Variants in RELN observed in about 807,000 individuals in gnomAD.
RELN encodes reelin.
In RELN, 108 loss-of-function variants were observed where a neutral mutation model predicts 427.6. The ratio of observed to expected loss-of-function variants is 0.25; its 90% confidence interval spans 0.22 to 0.30. RELN has a LOEUF of 0.30. RELN is among the 10% of genes least tolerant of loss of function. RELN has a pLI of 1.00. For missense variants in RELN, 3,715 were observed against 4,302.8 expected (o/e 0.86, Z 3.82); for synonymous variants, 1,524 against 1,513.4 (o/e 1.01, Z -0.16).
At chr7:103,525,361 T>C (rs556299757) in intron 46 of RELN, among the ~76,000 whole-genome samples, 19 of 152,324 alleles carry the variant, frequency 1.2e-4, no homozygotes, top group African/African-American at 4.1e-4. Flanking sequence ...CTTCCTTGAA[T>C]GGTAAGTTAT....
chr7:103,574,236 C>T lies in RELN; in HGVS notation c.4367G>A (p.Gly1456Glu), dbSNP rs750604271. The change falls in exon 30 of 65, where the codon GGG becomes GAG. Residue 1456 changes from glycine to glutamate, a missense_variant. By Grantham distance (98) the Gly-to-Glu change is moderately conservative. Coordinates refer to ENST00000428762, the MANE Select transcript of RELN (RefSeq NM_005045.4). Reference protein sequence around the residue: ...NHNEMFDRFEGKLSPLWYKIT... With the variant: ...NHNEMFDRFEEKLSPLWYKIT... ...CTTGTACCACAGAGGGCTGAGCTTC[C>T]CCTCAAACCTATCGAACATCTCATT... 2 of 1,614,142 alleles carry T rather than the reference C, an allele frequency of 1.2e-6. No individual in the cohort carries two copies. The highest frequency in any genetic ancestry group is 3.3e-5 in the Admixed American group (2 of 60,026).
At chr7:103,551,335 A>G (rs772678532) in intron 40 of RELN, 39 bp from the exon 41 acceptor site, 12 of 1,420,182 alleles carry the variant, frequency 8.4e-6, no homozygotes, top group Admixed American at 1.8e-5. Context: ...ATTACCTCAG[A>G]GCAACAAGCC....
chr7:103,954,111 T>A (rs1361027830), intron 1 of RELN, among the ~76,000 whole-genome samples: 1 of 151,230 alleles, frequency 6.6e-6, no homozygotes, highest in South Asian at 2.1e-4. Context: ...AAAAAAAAAA[T>A]TGGCCAGCCA....
At chr7:103,741,421 G>T (rs960677890) in intron 6 of RELN, among the ~76,000 whole-genome samples, 1 of 151,798 alleles carries the variant, frequency 6.6e-6, no homozygotes, top group Non-Finnish European at 1.5e-5. Flanking sequence ...TTATGAAAAT[G>T]CAATGAAGGA....
intron 3 of RELN, among the ~76,000 whole-genome samples, chr7:103,806,574 C>T (rs1471747470): frequency 1.3e-5 from 2 of 152,090 alleles, no homozygotes; most frequent in East Asian, 1.9e-4. Flanking sequence ...ATCCACCCAC[C>T]TCAGCTTCCC....
intron 11 of RELN, among the ~76,000 whole-genome samples, chr7:103,662,749 T>G (rs1833172624): frequency 6.6e-6 from 1 of 150,978 alleles, no homozygotes; most frequent in African/African-American, 2.4e-5. Flanking sequence ...GTGGAACAAA[T>G]CCATGGAGAG....
intron 40 of RELN, among the ~76,000 whole-genome samples, chr7:103,551,938 GGTGTGTGTGTGTGT>G (rs34506983): frequency 2.1e-5 from 3 of 144,746 alleles, no homozygotes. Flanking sequence ...TGTGTGTGTG[GGTGTGTGTGTGTGT>G]GTGTGTGGTA....
chr7:103,773,168 T>TTTC (rs1563004438), intron 4 of RELN, among the ~76,000 whole-genome samples: 21 of 99,030 alleles, frequency 2.1e-4, no homozygotes, highest in East Asian at 1.5e-3. Flanking sequence ...TTCTTTCTTT[T>TTTC]TCTTTCTTTC....
intron 3 of RELN, among the ~76,000 whole-genome samples, chr7:103,788,963 C>G (rs972628371): frequency 6.6e-6 from 1 of 151,952 alleles, no homozygotes; most frequent in Non-Finnish European, 1.5e-5. Flanking sequence ...TAACCAAAAC[C>G]GCATGGTACT....
intron 6 of RELN, 95 bp from the exon 7 acceptor site, chr7:103,728,302 C>A: frequency 8.6e-7 from 1 of 1,159,420 alleles, no homozygotes; most frequent in South Asian, 1.3e-5. Flanking sequence ...TATTGTTACT[C>A]AGCTCAAATC....
At chr7:103,650,226 A>G in intron 16 of RELN, 48 bp downstream of exon 16, 1 of 1,116,168 alleles carries the variant, frequency 9.0e-7, no homozygotes, top group Non-Finnish European at 1.4e-6. Context: ...AAAGCACAGG[A>G]AGACTCTACA....
intron 2 of RELN, among the ~76,000 whole-genome samples, chr7:103,837,460 C>G (rs959629296): frequency 1.9e-4 from 29 of 152,216 alleles, no homozygotes; most frequent in Admixed American, 1.5e-3. Context: ...TAAGCACATG[C>G]TCTGCTTTCA....
At chr7:103,590,208 A>G (rs362628) in intron 27 of RELN, among the ~76,000 whole-genome samples, 24,969 of 152,062 alleles carry the variant, frequency 0.16, 2,217 homozygotes, top group Middle Eastern at 0.35. Flanking sequence ...CTTCTTCAGT[A>G]CAGGAAGGTT....
chr7:103,575,501 A>G, intron 29 of RELN, 47 bp downstream of exon 29: 1 of 1,561,478 alleles, frequency 6.4e-7, no homozygotes, highest in Non-Finnish European at 8.8e-7. Flanking sequence ...GCAACTAGAG[A>G]TGACTATTTT....
intron 55 of RELN, 55 bp downstream of exon 55, chr7:103,497,765 T>C (rs982362215): frequency 2.3e-5 from 32 of 1,402,500 alleles, no homozygotes; most frequent in Non-Finnish European, 2.8e-5. Flanking sequence ...TCTGAGGGTG[T>C]TGGATGGAAT....
intron 8 of RELN, among the ~76,000 whole-genome samples, chr7:103,716,910 G>C (rs1789952070): frequency 6.6e-6 from 1 of 152,030 alleles, no homozygotes. Context: ...GAGACCATTT[G>C]GTCTACATCA....
chr7:103,803,529 G>C (rs1289868040), intron 3 of RELN, among the ~76,000 whole-genome samples: 1 of 152,006 alleles, frequency 6.6e-6, no homozygotes, highest in Non-Finnish European at 1.5e-5. Context: ...TGACTACCTG[G>C]TTGTCCAATG....
chr7:103,705,698 G>A (rs1463132628), intron 8 of RELN, among the ~76,000 whole-genome samples: 1 of 152,164 alleles, frequency 6.6e-6, no homozygotes, highest in Non-Finnish European at 1.5e-5. Flanking sequence ...GGCTGCCAGG[G>A]TTACAATTTG....
At chr7:103,658,605 G>A (rs1328923068) in intron 12 of RELN, among the ~76,000 whole-genome samples, 1 of 151,956 alleles carries the variant, frequency 6.6e-6, no homozygotes, top group Non-Finnish European at 1.5e-5. Flanking sequence ...GGGTGCTGCT[G>A]TTCCCTCAAG....
Sources: allele counts gnomAD v4.1 joint callset (sites outside exome capture counted in the v4.1 genomes callset), GRCh38; gene constraint gnomAD v4.1.1; transcripts MANE v1.5; gene names NCBI Gene and HGNC (gene_info 2026-07-23, HGNC 2026-07-21).